The following DDX10 variants were observed in gnomAD, a reference collection of about 807,000 sequenced individuals.
DDX10 encodes DEAD-box helicase 10.
Under a neutral mutation model 104.3 loss-of-function variants are expected in DDX10, and 74 were observed. The ratio of observed to expected loss-of-function variants is 0.71; its 90% CI spans 0.59 to 0.86. The LOEUF (loss-of-function observed/expected upper bound fraction) is 0.86. Ranked by LOEUF, DDX10 falls within the 40% of genes least tolerant of loss-of-function variation. The pLI is 0.00. For synonymous variants in DDX10, 351 were observed against 353.4 expected (o/e 0.99, Z 0.08); for missense variants, 952 against 1,040.0 (o/e 0.92, Z 1.16).
intron 1 of DDX10, among the ~76,000 whole-genome samples, chr11:108,666,240 G>A (rs1410404232): frequency 1.3e-5 from 2 of 152,126 alleles, no homozygotes; most frequent in South Asian, 2.1e-4. Flanking sequence ...CAAACTTGGC[G>A]GCTTAAAACA....
intron 13 of DDX10, among the ~76,000 whole-genome samples, chr11:108,826,959 T>TC (rs1180441782): frequency 6.6e-6 from 1 of 152,154 alleles, no homozygotes; most frequent in Non-Finnish European, 1.5e-5. Flanking sequence ...AAATATTGAG[T>TC]CAAATTATGA....
chr11:108,675,929 C>A, intron 3 of DDX10: 1 of 574,266 alleles, frequency 1.7e-6, no homozygotes. Flanking sequence ...TTGCATGTGG[C>A]AGGCACTCAA....
intron 16 of DDX10, among the ~76,000 whole-genome samples, chr11:108,907,582 A>G (rs1054803057): frequency 6.6e-6 from 1 of 151,964 alleles, no homozygotes; most frequent in African/African-American, 2.4e-5. Context: ...TCATCCCCTC[A>G]AATTTCTACA....
intron 7 of DDX10, 150 bp downstream of exon 7, chr11:108,689,212 G>T: frequency 3.9e-6 from 3 of 775,142 alleles, no homozygotes; most frequent in Non-Finnish European, 6.3e-6. Flanking sequence ...GGAATCCGTG[G>T]CTGAGACTTT....
chr11:108,760,108 G>C (rs1165629365), intron 13 of DDX10, among the ~76,000 whole-genome samples: 1 of 151,632 alleles, frequency 6.6e-6, no homozygotes, highest in African/African-American at 2.4e-5. Flanking sequence ...CTTTGAATTT[G>C]GAACATTCAC....
intron 17 of DDX10, among the ~76,000 whole-genome samples, chr11:108,939,798 T>A (rs7116139): frequency 0.99 from 150,729 of 152,336 alleles, 74,597 homozygotes; most frequent in Middle Eastern, 1. Flanking sequence ...TTTATGCATG[T>A]TCTCTAGATC....
chr11:108,731,502 T>A (rs1284626352), intron 13 of DDX10, among the ~76,000 whole-genome samples: 1 of 150,256 alleles, frequency 6.7e-6, no homozygotes, highest in Non-Finnish European at 1.5e-5. Context: ...GCAACCGTGA[T>A]CTCAATTGGG....
intron 13 of DDX10, among the ~76,000 whole-genome samples, chr11:108,745,061 TTC>T (rs1240535800): frequency 2.8e-5 from 1 of 36,044 alleles, no homozygotes; most frequent in East Asian, 9.0e-4. Context: ...CCCTTCCCCC[TTC>T]CCCCTTCCCC....
intron 15 of DDX10, among the ~76,000 whole-genome samples, chr11:108,846,635 A>G (rs1862721620): frequency 6.6e-6 from 1 of 152,244 alleles, no homozygotes; most frequent in South Asian, 2.1e-4. Flanking sequence ...ATAGTATTCC[A>G]TTGTACATAT....
intron 16 of DDX10, among the ~76,000 whole-genome samples, chr11:108,903,248 A>C (rs1370897628): frequency 6.6e-6 from 1 of 152,136 alleles, no homozygotes; most frequent in African/African-American, 2.4e-5. Flanking sequence ...GGCAACTACT[A>C]ATCTACCTTC....
At chr11:108,722,362 G>A (rs1329930989) in intron 12 of DDX10, among the ~76,000 whole-genome samples, 9 of 152,168 alleles carry the variant, frequency 5.9e-5, no homozygotes, top group Non-Finnish European at 1.2e-4. Flanking sequence ...AGCTGGGAAA[G>A]ACATGATAAT....
chr11:108,705,865 C>T (rs1425279725), intron 9 of DDX10, among the ~76,000 whole-genome samples: 1 of 152,022 alleles, frequency 6.6e-6, no homozygotes, highest in African/African-American at 2.4e-5. Flanking sequence ...GTCTTGTGGC[C>T]CATGTCAGTA....
At chr11:108,766,642 T>C (rs773364116) in intron 13 of DDX10, among the ~76,000 whole-genome samples, 1 of 152,214 alleles carries the variant, frequency 6.6e-6, no homozygotes, top group Non-Finnish European at 1.5e-5. Flanking sequence ...CAAAACGATA[T>C]GGAGGAAATT....
intron 13 of DDX10, among the ~76,000 whole-genome samples, chr11:108,776,574 G>A (rs1172256580): frequency 1.3e-5 from 2 of 151,990 alleles, no homozygotes; most frequent in East Asian, 3.9e-4. Flanking sequence ...CTAATCTTTG[G>A]CACCAATAAA....
At chr11:108,818,293 T>C (rs1391432903) in intron 13 of DDX10, among the ~76,000 whole-genome samples, 1 of 152,202 alleles carries the variant, frequency 6.6e-6, no homozygotes, top group East Asian at 1.9e-4. Flanking sequence ...GGTTGAAAAT[T>C]AACTGTATAG....
At chr11:108,931,776 C>G (rs1395190888) in intron 17 of DDX10, among the ~76,000 whole-genome samples, 1 of 152,124 alleles carries the variant, frequency 6.6e-6, no homozygotes, top group African/African-American at 2.4e-5. Flanking sequence ...TCTTAATCAC[C>G]TAGTTACGCT....
intron 13 of DDX10, among the ~76,000 whole-genome samples, chr11:108,758,106 A>G (rs1023311280): frequency 3.3e-5 from 5 of 151,886 alleles, no homozygotes; most frequent in South Asian, 2.1e-4. Flanking sequence ...CCCCTGCTCA[A>G]CTGTTTCAAA....
chr11:108,876,017 A>G (rs1029714437), intron 16 of DDX10, among the ~76,000 whole-genome samples: 1 of 152,226 alleles, frequency 6.6e-6, no homozygotes, highest in African/African-American at 2.4e-5. Context: ...ACCTTGGAGA[A>G]TATTATATGT....
At chr11:108,815,650 A>G (rs1862245337) in intron 13 of DDX10, among the ~76,000 whole-genome samples, 1 of 152,192 alleles carries the variant, frequency 6.6e-6, no homozygotes, top group African/African-American at 2.4e-5. Flanking sequence ...TTCTATTCAG[A>G]GAACCCTTAT....
Sources: allele counts gnomAD v4.1 joint callset (sites outside exome capture counted in the v4.1 genomes callset), GRCh38; gene constraint gnomAD v4.1.1; transcripts MANE v1.5; gene names NCBI Gene and HGNC (gene_info 2026-07-23, HGNC 2026-07-21).